Variants in IFNAR2 observed in about 807,000 individuals in gnomAD.
IFNAR2 encodes interferon alpha and beta receptor subunit 2.
In IFNAR2, 30 loss-of-function variants were observed where a neutral mutation model predicts 49.4. That is an observed-to-expected ratio of 0.61 (90% CI 0.45 to 0.82). The LOEUF is 0.82. Ranked by LOEUF, IFNAR2 falls within the 40% of genes least tolerant of loss-of-function variation. IFNAR2 has a pLI of 0.00. For missense variants in IFNAR2, 600 were observed against 622.7 expected, an observed-to-expected ratio of 0.96 and a Z score of 0.39; for synonymous variants, 224 against 234.5, an observed-to-expected ratio of 0.96 and a Z score of 0.41.
At chr21:33,256,926 G>A (rs1021568261) in intron 7 of IFNAR2, among the ~76,000 whole-genome samples, 3 of 152,212 alleles carry the variant, frequency 2.0e-5, no homozygotes, top group African/African-American at 4.8e-5. Context: ...GCAGGTTGCT[G>A]TTTTTAATAG....
At chr21:33,241,692 TTTAAAA>T (rs1986938246) in intron 1 of IFNAR2, 142 bp from the exon 2 acceptor site, 1 of 456,962 alleles carries the variant, frequency 2.2e-6, no homozygotes, top group Non-Finnish European at 3.7e-6. Flanking sequence ...AAAAGTTAAA[TTTAAAA>T]TTCCTCCCAG....
chr21:33,232,654 TA>T (rs200638049), intron 1 of IFNAR2, among the ~76,000 whole-genome samples: 228 of 144,282 alleles, frequency 1.6e-3, no homozygotes, highest in Non-Finnish European at 2.3e-3. Flanking sequence ...CAGTCCTTGT[TA>T]AAAAAAAAAA....
rs201378646 is a variant in IFNAR2 at position 33,263,074 on chromosome 21, T to C, written c.1122T>C (p.Asp374=). 62 of 1,614,142 alleles carry C rather than the reference T, an allele frequency of 3.8e-5. No homozygotes were observed. The East Asian group carries it at 4.7e-4, about 12-fold the overall frequency. ...AGGAGCCTGACCTGCCTGAGGTTGATGTGGAGCTCCCCACGATGCCAAAGG... is the reference window on the plus strand; with the variant it reads ...AGGAGCCTGACCTGCCTGAGGTTGACGTGGAGCTCCCCACGATGCCAAAGG... ...SEEEPDLPEV[D]VELPTMPKDS... Residue 374 remains aspartate (D), a synonymous_variant, in exon 9 of 9, where the codon GAT becomes GAC. Transcript: ENST00000342136.
Position 33,263,750 on chromosome 21 carries a change from C to T in IFNAR2, c.*250C>T. ...GAAGCACATGTGCACCTTTCCTTTA[C>T]ACTAATGCACTTAGGATGTTTCTGC... On this transcript the variant is annotated 3_prime_UTR_variant, in exon 9 of 9. Transcript: ENST00000342136. 1 of 492,514 alleles carries T rather than the reference C, an allele frequency of 2.0e-6. No homozygotes were observed. Among genetic ancestry groups the T allele is most frequent in the Non-Finnish European group, 3.6e-6 (1 of 275,608 alleles). 30.5% of individuals were successfully genotyped at this position (492,514 alleles called of 1,614,324 possible).
chr21:33,262,804 C>CT lies in IFNAR2; in HGVS notation c.857dup (p.Leu286PhefsTer7). 6.4e-7 allele frequency: 1 copy of CT among 1,564,260 alleles called. No homozygotes were observed. The highest frequency in any genetic ancestry group is 8.7e-7 in the Non-Finnish European group (1 of 1,153,108). On this transcript the variant is annotated frameshift_variant, in exon 9 of 9. Coordinates refer to ENST00000342136, the MANE Select transcript of IFNAR2 (RefSeq NM_001289125.3). LOFTEE classifies it high-confidence loss of function. Reference sequence around the variant, plus strand: ...TTTTTTTTTTTAAGAATTTTCATAACTTTTTAGCCTGGCCATTTCCTAACC... The same window carrying CT: ...TTTTTTTTTTTAAGAATTTTCATAACTTTTTTAGCCTGGCCATTTCCTAACC...
At chr21:33,242,141 T>C (rs1986987119) in intron 2 of IFNAR2, among the ~76,000 whole-genome samples, 164 bp downstream of exon 2, 1 of 152,174 alleles carries the variant, frequency 6.6e-6, no homozygotes, top group Non-Finnish European at 1.5e-5. Flanking sequence ...AAACCTACAC[T>C]AGTAGTTTAG....
In IFNAR2 at chr21:33,230,005, A is replaced by AGGAATCCCGCCGGCGAGCC. The variant is rs1985907123; in HGVS notation, c.-293_-275dup. 2.6e-5 allele frequency: 26 copies of AGGAATCCCGCCGGCGAGCC among 984,644 alleles called. No individual in the cohort carries two copies. In the South Asian group the frequency reaches 1.1e-3, roughly 41 times the overall value. The allele number at this position is 984,644 out of a possible 1,614,324, so 61.0% of individuals were successfully genotyped here. ...CTAAAGACGCTTCTTCCCGGCGGGTAGGAATCCCGCCGGCGAGCCGAACAG... is the reference window on the plus strand; with the variant it reads ...CTAAAGACGCTTCTTCCCGGCGGGTAGGAATCCCGCCGGCGAGCCGGAATCCCGCCGGCGAGCCGAACAG... On this transcript the variant is annotated 5_prime_UTR_variant, in exon 1 of 9. Transcript: ENST00000342136. The surrounding 1 kb of genome is among the most constrained non-coding windows in gnomAD (Gnocchi z 5.5).
chr21:33,256,112 G>GT (rs1461184255), intron 7 of IFNAR2, among the ~76,000 whole-genome samples: 1 of 152,174 alleles, frequency 6.6e-6, no homozygotes, highest in Non-Finnish European at 1.5e-5. Flanking sequence ...CAGTTCCAAG[G>GT]TGAATGTGTT....
Position 33,245,023 on chromosome 21 carries a change from A to G in IFNAR2, c.170A>G (p.Lys57Arg), listed in dbSNP as rs1359940308. 1 of 1,611,950 alleles carries G rather than the reference A, an allele frequency of 6.2e-7. No homozygotes were observed. The highest frequency in any genetic ancestry group is 1.3e-5 in the African/African-American group (1 of 75,014). ...CGGTCCATCTTATCATGGGAATTAA[A>G]AAACCACTCCATTGTACCAACTCAC... ...NFRSILSWEL[K>R]NHSIVPTHYT... The change falls in exon 4 of 9, where the codon AAA (lysine) becomes AGA (arginine). Residue 57 changes from lysine (K) to arginine (R), a missense_variant. By Grantham distance (26) the Lys-to-Arg change is conservative (BLOSUM62 2). Coordinates refer to ENST00000342136, the MANE Select transcript of IFNAR2 (RefSeq NM_001289125.3).
intron 7 of IFNAR2, among the ~76,000 whole-genome samples, chr21:33,254,993 A>G (rs368543636): frequency 2.0e-5 from 3 of 152,214 alleles, no homozygotes; most frequent in Non-Finnish European, 4.4e-5. Context: ...TGCCTGGCAC[A>G]TAACGGTGCT....
rs1357422967 is a variant in IFNAR2, at chr21:33,263,003, T to G, written c.1051T>G (p.Ser351Ala). 6.2e-7 allele frequency: 1 copy of G among 1,614,186 alleles called. No individual in the cohort carries two copies. Among genetic ancestry groups the G allele is most frequent in the Non-Finnish European group, 8.5e-7 (1 of 1,180,010 alleles). ...GLTVRPLGQA[S>A]ATSTESQLID... ...GACTGTCAGGCCTCTGGGTCAGGCC[T>G]CTGCCACCTCTACAGAATCCCAGTT... The change falls in exon 9 of 9, where the codon TCT (serine) becomes GCT (alanine). Residue 351 changes from serine (S) to alanine (A), a missense_variant. Coordinates refer to ENST00000342136, the MANE Select transcript of IFNAR2 (RefSeq NM_001289125.3).
chr21:33,261,035 C>CTTTTTTTTTTTTTT (rs368696822), intron 8 of IFNAR2, among the ~76,000 whole-genome samples: 2 of 95,998 alleles, frequency 2.1e-5, no homozygotes, highest in African/African-American at 8.8e-5. Context: ...GTTTTCTTTC[C>CTTTTTTTTTTTTTT]TTTTTTTTTT....
intron 8 of IFNAR2, chr21:33,262,561 A>G (rs1380886764): frequency 1.4e-6 from 1 of 700,244 alleles, no homozygotes; most frequent in Non-Finnish European, 2.6e-6. Context: ...ATTTTTTTAG[A>G]GGCAAGGTCT....
intron 1 of IFNAR2, among the ~76,000 whole-genome samples, chr21:33,233,772 T>G (rs922640009): frequency 6.6e-6 from 1 of 151,956 alleles, no homozygotes; most frequent in Non-Finnish European, 1.5e-5. Context: ...TAAATCAAAA[T>G]AAAGAACTTA....
chr21:33,252,536 C>A (rs1261736533), intron 6 of IFNAR2, 126 bp from the exon 7 acceptor site: 2 of 1,448,616 alleles, frequency 1.4e-6, no homozygotes, highest in South Asian at 1.5e-5. Flanking sequence ...CTTATAAATC[C>A]TTTTTCTTAC....
intron 1 of IFNAR2, among the ~76,000 whole-genome samples, chr21:33,237,067 G>T (rs996617531): frequency 2.1e-5 from 3 of 144,994 alleles, no homozygotes; most frequent in Non-Finnish European, 4.5e-5. Context: ...TGGCCCAGAG[G>T]GGGAGAATGG....
chr21:33,251,696 A>G (rs1601808387), intron 6 of IFNAR2: 33 of 985,072 alleles, frequency 3.4e-5, no homozygotes, highest in Middle Eastern at 5.2e-4. Context: ...ACTGTAAAAC[A>G]TGATACAAAA....
At position 33,230,565 on chromosome 21, in the gene IFNAR2, G is replaced by C; in HGVS notation, c.-84+349G>C. 2.1e-6 allele frequency: 1 copy of C among 470,970 alleles called. No individual in the cohort carries two copies. Among genetic ancestry groups the C allele is most frequent in the South Asian group, 1.5e-5 (1 of 64,536 alleles). 29.2% of individuals were successfully genotyped at this position (470,970 alleles called of 1,614,324 possible). The stretch of plus-strand genomic sequence containing the variant: ...CATTTGCCACTGCAAGATGTGAGTC[G>C]TTGCTAAGTTTGAGGGTCACATTCC... On this transcript the variant is annotated intron_variant, in intron 1 of 8. Transcript: ENST00000342136. This position sits in a 1 kb window ranked among gnomAD's most constrained non-coding sequence, Gnocchi z 5.5.
At chr21:33,241,553 T>G (rs1156900422) in intron 1 of IFNAR2, among the ~76,000 whole-genome samples, 1 of 152,206 alleles carries the variant, frequency 6.6e-6, no homozygotes, top group African/African-American at 2.4e-5. Flanking sequence ...TGTATTTGTT[T>G]TTGCTTATGC....
Sources: gnomAD v4.1 joint callset for allele counts (sites outside exome capture counted in the v4.1 genomes callset) on GRCh38, gnomAD v4.1.1 for gene constraint, Gnocchi (gnomAD v3.1) non-coding constraint, MANE v1.5 for transcripts, NCBI Gene and HGNC (gene_info 2026-07-23, HGNC 2026-07-21) for gene names.